SBF2: variants seen among roughly 807,000 people sequenced by gnomAD.
SBF2 encodes SET binding factor 2, also known as myotubularin-related protein 13.
In SBF2, 112 loss-of-function variants were observed where a neutral mutation model predicts 225.2. The observed-to-expected ratio is 0.50, with a 90% CI of 0.43 to 0.58. The LOEUF (loss-of-function observed/expected upper bound fraction) is 0.58, where lower values mean the gene tolerates loss of function less well. SBF2 is among the 20% of genes least tolerant of loss of function. The probability of loss-of-function intolerance (pLI) is 0.00; values close to 1 mark genes in which losing one functional copy is unlikely to be tolerated. For synonymous variants in SBF2, 763 were observed against 773.3 expected, an observed-to-expected ratio of 0.99 and a Z score of 0.22; for missense variants, 1,996 against 2,206.2, an observed-to-expected ratio of 0.90 and a Z score of 1.91.
intron 16 of SBF2, among the ~76,000 whole-genome samples, chr11:9,922,279 G>GA (rs924538776): frequency 2.6e-5 from 4 of 151,866 alleles, no homozygotes; most frequent in African/African-American, 7.3e-5. Flanking sequence ...AAAGAAAAAA[G>GA]AAAAAAATCA....
chr11:9,910,494 T>C (rs138541066), intron 16 of SBF2, among the ~76,000 whole-genome samples: 4 of 152,192 alleles, frequency 2.6e-5, no homozygotes, highest in African/African-American at 7.2e-5. Context: ...AATGGTAAAA[T>C]AGCCCAAGGC....
intron 2 of SBF2, among the ~76,000 whole-genome samples, chr11:10,128,722 T>C (rs913300152): frequency 7.9e-5 from 12 of 152,236 alleles, no homozygotes; most frequent in Non-Finnish European, 1.5e-4. Flanking sequence ...CAGTATACTT[T>C]GGCAGTTTTA....
intron 37 of SBF2, chr11:9,784,823 A>G (rs1852265085): frequency 1.9e-6 from 1 of 514,886 alleles, no homozygotes; most frequent in African/African-American, 1.9e-5. Flanking sequence ...TGGATTTCTG[A>G]TGTGTGCCAC....
At chr11:10,288,410 G>C (rs1963937802) in intron 1 of SBF2, among the ~76,000 whole-genome samples, 1 of 152,184 alleles carries the variant, frequency 6.6e-6, no homozygotes, top group Admixed American at 6.5e-5. Context: ...TGAGTGTTCA[G>C]CTCCTAGCAG....
intron 1 of SBF2, among the ~76,000 whole-genome samples, chr11:10,230,148 T>C (rs992113220): frequency 6.6e-6 from 1 of 152,218 alleles, no homozygotes; most frequent in African/African-American, 2.4e-5. Flanking sequence ...CTGCCTTTTT[T>C]TGTTTTCCGT....
chr11:9,920,182 A>ATG (rs137939953), intron 16 of SBF2, among the ~76,000 whole-genome samples: 10,259 of 147,094 alleles, frequency 0.07, 401 homozygotes, highest in East Asian at 0.1. Context: ...CAAATACTAT[A>ATG]TGTGTGTGTG....
intron 16 of SBF2, among the ~76,000 whole-genome samples, chr11:9,951,601 T>C (rs973778467): frequency 6.6e-6 from 1 of 152,244 alleles, no homozygotes; most frequent in Non-Finnish European, 1.5e-5. Context: ...TTTAATTTAC[T>C]AGTTGTGTGA....
chr11:9,994,638 T>C (rs7949164), intron 9 of SBF2, among the ~76,000 whole-genome samples: 28,905 of 147,014 alleles, frequency 0.2, 3,008 homozygotes, highest in East Asian at 0.25. Flanking sequence ...TATAAAATAG[T>C]AGTCATTTCT....
Position 9,853,837 on chromosome 11 carries a change from A to G in SBF2, c.2364-125T>C. On this transcript the variant is annotated intron_variant, in intron 19 of 39. Transcript: ENST00000256190. ...TGATGTCTACTCAAGTAGAAGGCTC[A>G]CTTAACTCCATGGCTCCTTGGTAAG... 3.4e-6 allele frequency: 3 copies of G among 884,908 alleles called. No homozygotes were observed. In the South Asian group the frequency reaches 4.0e-5, roughly 12 times the overall value. The allele number at this position is 884,908 out of a possible 1,614,324, so 54.8% of individuals were successfully genotyped here. A position where few individuals can be genotyped will look rare whatever the true frequency, so the allele number is the denominator to read the frequency against.
chr11:10,138,336 T>C (rs4323860), intron 2 of SBF2, among the ~76,000 whole-genome samples: 75,558 of 151,828 alleles, frequency 0.5, 19,121 homozygotes, highest in Non-Finnish European at 0.54. Context: ...CTAGTGATAT[T>C]TCATTTCATT....
At chr11:10,079,128 G>A (rs1263752688) in intron 2 of SBF2, among the ~76,000 whole-genome samples, 1 of 152,054 alleles carries the variant, frequency 6.6e-6, no homozygotes, top group East Asian at 1.9e-4. Context: ...AAATGTATCA[G>A]TGCAATAATA....
At chr11:9,908,268 T>C (rs750540395) in intron 16 of SBF2, among the ~76,000 whole-genome samples, 4 of 152,204 alleles carry the variant, frequency 2.6e-5, no homozygotes, top group East Asian at 3.8e-4. Flanking sequence ...TTACAAAATA[T>C]AGAGGATGAA....
At chr11:10,279,105 TTAAAAAAAA>T (rs1383117617) in intron 1 of SBF2, among the ~76,000 whole-genome samples, 2 of 77,622 alleles carry the variant, frequency 2.6e-5, no homozygotes, top group African/African-American at 9.2e-5. Context: ...CGGTCTTGTA[TTAAAAAAAA>T]AAAAAAAAAA....
intron 32 of SBF2, among the ~76,000 whole-genome samples, chr11:9,802,755 T>G (rs1853565283): frequency 1.3e-5 from 2 of 152,190 alleles, no homozygotes; most frequent in South Asian, 4.1e-4. Flanking sequence ...AAACACTACC[T>G]TATAATTAAG....
At chr11:10,154,748 C>G (rs1348003957) in intron 2 of SBF2, among the ~76,000 whole-genome samples, 1 of 152,130 alleles carries the variant, frequency 6.6e-6, no homozygotes, top group Non-Finnish European at 1.5e-5. Context: ...CTACCTTCAT[C>G]CAAATTAAAC....
intron 1 of SBF2, among the ~76,000 whole-genome samples, chr11:10,225,589 G>T (rs1431502597): frequency 1.3e-5 from 2 of 151,990 alleles, no homozygotes; most frequent in Non-Finnish European, 2.9e-5. Context: ...TATCTTTACA[G>T]AAATTCTAGA....
chr11:10,284,541 AACTCTTTTTTCCAGTTTGT>A (rs1246399475), intron 1 of SBF2, among the ~76,000 whole-genome samples: 1 of 152,138 alleles, frequency 6.6e-6, no homozygotes, highest in Non-Finnish European at 1.5e-5. Flanking sequence ...AGCATGCATT[AACTCTTTTTTCCAGTTTGT>A]AAAAGAAATT....
chr11:9,811,916 G>A (rs1854207461), intron 30 of SBF2, among the ~76,000 whole-genome samples: 1 of 152,110 alleles, frequency 6.6e-6, no homozygotes, highest in African/African-American at 2.4e-5. Context: ...AGGAGTTCAA[G>A]ACCAGCCTGG....
intron 17 of SBF2, among the ~76,000 whole-genome samples, chr11:9,894,637 T>C (rs958531171): frequency 2.0e-5 from 3 of 152,058 alleles, no homozygotes; most frequent in African/African-American, 7.2e-5. Context: ...GGAGCTAAGA[T>C]TGTGCCACTG....
Sources: gnomAD v4.1 joint callset for allele counts (sites outside exome capture counted in the v4.1 genomes callset) on GRCh38, gnomAD v4.1.1 for gene constraint, MANE v1.5 for transcripts, NCBI Gene and HGNC (gene_info 2026-07-23, HGNC 2026-07-21) for gene names.